TRAPPC9: variants seen among roughly 807,000 people sequenced by gnomAD.
TRAPPC9 encodes the protein trafficking protein particle complex subunit 9.
In TRAPPC9, 83 loss-of-function variants were observed where a neutral mutation model predicts 124.0. The ratio of observed to expected loss-of-function variants is 0.67; its 90% CI spans 0.56 to 0.80. TRAPPC9 has a LOEUF of 0.80. Ranked by LOEUF, TRAPPC9 falls within the 30% of genes least tolerant of loss-of-function variation. The pLI is 0.00. For missense variants in TRAPPC9, 1,302 were observed against 1,508.3 expected, an observed-to-expected ratio of 0.86 and a Z score of 2.27; for synonymous variants, 638 against 617.5, an observed-to-expected ratio of 1.03 and a Z score of -0.49.
intron 21 of TRAPPC9, among the ~76,000 whole-genome samples, chr8:139,752,657 A>G (rs1158729612): frequency 6.8e-6 from 1 of 147,422 alleles, no homozygotes; most frequent in Non-Finnish European, 1.5e-5. Flanking sequence ...AAAATCCACC[A>G]TTCCTCCATT....
chr8:139,894,819 G>C (rs1184477901), intron 20 of TRAPPC9, among the ~76,000 whole-genome samples: 1 of 152,154 alleles, frequency 6.6e-6, no homozygotes, highest in African/African-American at 2.4e-5. Flanking sequence ...GGCACACGAA[G>C]TCACGCTCAG....
intron 21 of TRAPPC9, among the ~76,000 whole-genome samples, chr8:139,831,697 G>C (rs1443769285): frequency 6.6e-6 from 1 of 152,264 alleles, no homozygotes; most frequent in African/African-American, 2.4e-5. Flanking sequence ...CCCACTGGAT[G>C]GGGGGTCAGG....
intron 14 of TRAPPC9, among the ~76,000 whole-genome samples, chr8:140,278,652 A>G (rs972625301): frequency 6.6e-6 from 1 of 152,174 alleles, no homozygotes; most frequent in Non-Finnish European, 1.5e-5. Context: ...CTGCCTGGCC[A>G]TGGAGAGGGC....
intron 17 of TRAPPC9, among the ~76,000 whole-genome samples, chr8:140,160,622 A>C (rs1329682489): frequency 6.8e-6 from 1 of 147,336 alleles, no homozygotes; most frequent in Non-Finnish European, 1.5e-5. Context: ...AGGAAGGGGA[A>C]CATCACACAC....
intron 21 of TRAPPC9, among the ~76,000 whole-genome samples, chr8:139,773,720 ACCTCTGTAGT>A (rs1310193704): frequency 6.6e-6 from 1 of 151,980 alleles, no homozygotes; most frequent in Non-Finnish European, 1.5e-5. Context: ...CCCATCAGCC[ACCTCTGTAGT>A]CCTCTGTGTG....
chr8:140,221,365 T>C (rs2063333717), intron 17 of TRAPPC9, 94 bp downstream of exon 17: 12 of 1,559,550 alleles, frequency 7.7e-6, no homozygotes, highest in African/African-American at 2.7e-5. Context: ...ACATAGCCTT[T>C]CCTTTCTGAA....
chr8:139,898,459 T>A (rs1246978493), intron 20 of TRAPPC9, among the ~76,000 whole-genome samples: 1 of 152,194 alleles, frequency 6.6e-6, no homozygotes, highest in Non-Finnish European at 1.5e-5. Flanking sequence ...TGATGGTAGC[T>A]TTCAGTGACC....
intron 10 of TRAPPC9, among the ~76,000 whole-genome samples, chr8:140,308,474 C>T (rs913033228): frequency 4.6e-5 from 7 of 151,958 alleles, no homozygotes; most frequent in South Asian, 2.1e-4. Flanking sequence ...GTACGATCCA[C>T]GTGAGGAAGG....
intron 19 of TRAPPC9, chr8:139,932,207 C>T: frequency 2.4e-6 from 1 of 412,202 alleles, no homozygotes; most frequent in Middle Eastern, 6.6e-4. Context: ...CAGGCAGGCC[C>T]CGCAGGCAGC....
intron 11 of TRAPPC9, among the ~76,000 whole-genome samples, chr8:140,297,231 G>A (rs2131804773): frequency 6.6e-6 from 1 of 152,356 alleles, no homozygotes; most frequent in Non-Finnish European, 1.5e-5. Flanking sequence ...GATCAGAGAA[G>A]CAGTGGCAGG....
intron 17 of TRAPPC9, among the ~76,000 whole-genome samples, chr8:140,163,500 G>A (rs1233742128): frequency 6.6e-6 from 1 of 152,278 alleles, no homozygotes; most frequent in African/African-American, 2.4e-5. Context: ...TCTGAGTGCC[G>A]AATGAAATAA....
intron 17 of TRAPPC9, among the ~76,000 whole-genome samples, chr8:140,121,897 G>T (rs1001248037): frequency 3.3e-5 from 5 of 152,130 alleles, no homozygotes; most frequent in African/African-American, 1.2e-4. Context: ...TCCCCTTGAG[G>T]GTGTGGGTGG....
intron 21 of TRAPPC9, among the ~76,000 whole-genome samples, chr8:139,800,918 T>TACCTTCCCTCCCTCCGGC (rs1563823726): frequency 5.6e-5 from 8 of 143,622 alleles, no homozygotes; most frequent in East Asian, 4.4e-4. Context: ...CTCCCTCCGG[T>TACCTTCCCTCCCTCCGGC]ACCTTCCCTC....
intron 13 of TRAPPC9, among the ~76,000 whole-genome samples, chr8:140,286,019 C>T (rs2065473960): frequency 6.6e-6 from 1 of 152,226 alleles, no homozygotes; most frequent in Non-Finnish European, 1.5e-5. Context: ...CACACGAGGC[C>T]AGCAAGGAAT....
intron 17 of TRAPPC9, among the ~76,000 whole-genome samples, chr8:140,090,196 C>T (rs574727892): frequency 1.3e-5 from 2 of 152,278 alleles, no homozygotes; most frequent in Admixed American, 6.5e-5. Context: ...TAGGTTGACC[C>T]GGTTTGAAGT....
At chr8:139,787,395 C>A (rs1039530818) in intron 21 of TRAPPC9, among the ~76,000 whole-genome samples, 3 of 152,086 alleles carry the variant, frequency 2.0e-5, no homozygotes, top group African/African-American at 7.2e-5. Flanking sequence ...GCTGTCGCCA[C>A]CCTTTAAGGA....
intron 5 of TRAPPC9, among the ~76,000 whole-genome samples, chr8:140,408,932 TG>T (rs2132448983): frequency 6.6e-6 from 1 of 152,088 alleles, no homozygotes; most frequent in South Asian, 2.1e-4. Flanking sequence ...CTCTAAAACC[TG>T]GACAAAGGAA....
chr8:139,968,470 G>A (rs1193023920), intron 19 of TRAPPC9, among the ~76,000 whole-genome samples: 1 of 152,188 alleles, frequency 6.6e-6, no homozygotes, highest in East Asian at 1.9e-4. Context: ...GGAACAATGG[G>A]ACTCGGCCGG....
At chr8:139,996,943 T>G (rs1433825723) in intron 18 of TRAPPC9, among the ~76,000 whole-genome samples, 1 of 152,154 alleles carries the variant, frequency 6.6e-6, no homozygotes, top group Non-Finnish European at 1.5e-5. Flanking sequence ...CACGGGATTT[T>G]GCCACGTTGG....
Sources: gnomAD v4.1 joint callset for allele counts (sites outside exome capture counted in the v4.1 genomes callset) on GRCh38, gnomAD v4.1.1 for gene constraint, MANE v1.5 for transcripts, NCBI Gene and HGNC (gene_info 2026-07-23, HGNC 2026-07-21) for gene names.